MAPK10: variants seen among roughly 807,000 people sequenced by gnomAD.
The protein encoded by MAPK10 is mitogen-activated protein kinase 10.
MAPK10 carries 25 observed loss-of-function variants against 59.3 expected under a neutral mutation model. That is an observed-to-expected ratio of 0.42 (90% CI 0.31 to 0.59). The LOEUF is 0.59. Among genes scored for constraint, MAPK10 ranks in the 20% least tolerant of loss-of-function variants. The pLI, the probability that MAPK10 is intolerant of heterozygous loss-of-function variation, is 0.15. For synonymous variants in MAPK10, 190 were observed against 200.5 expected (o/e 0.95, Z 0.44); for missense variants, 351 against 568.9 (o/e 0.62, Z 3.90).
chr4:86,152,978 TGTTAG>T (rs2066852344), intron 4 of MAPK10, among the ~76,000 whole-genome samples: 2 of 152,190 alleles, frequency 1.3e-5, no homozygotes, highest in Non-Finnish European at 2.9e-5. Context: ...TAGATTAACT[TGTTAG>T]ATATTTATAT....
rs533949242 is a variant in MAPK10 at position 86,171,535 on chromosome 4, G to A, written c.67-12068C>T. 5.9e-5 allele frequency among the ~76,000 whole-genome samples: 9 copies of A among 151,992 alleles called. 1 individual carries two copies. The highest frequency in any genetic ancestry group is 5.8e-4 in the East Asian group (3 of 5,186). ...AACTGGCTAGCCATATGTAGAAAGC[G>A]GAAACTGGATCCCTCCATTACACCT... On this transcript the variant is annotated intron_variant, in intron 3 of 13. Transcript: ENST00000641462.
intron 2 of MAPK10, among the ~76,000 whole-genome samples, chr4:86,222,778 C>G (rs962390660): frequency 1.3e-5 from 2 of 152,192 alleles, no homozygotes; most frequent in Non-Finnish European, 2.9e-5. Flanking sequence ...CCCTAATAGA[C>G]TTTTACACAC....
chr4:86,256,579 A>C (rs2093720703), intron 2 of MAPK10, among the ~76,000 whole-genome samples: 1 of 151,944 alleles, frequency 6.6e-6, no homozygotes, highest in Admixed American at 6.6e-5. Context: ...GTAAGTACCT[A>C]GATTTTTTTC....
intron 1 of MAPK10, among the ~76,000 whole-genome samples, chr4:86,496,757 TA>T (rs1194607721): frequency 6.6e-6 from 1 of 152,200 alleles, no homozygotes; most frequent in Non-Finnish European, 1.5e-5. Context: ...CGATGACAAT[TA>T]ATTTTTTCTG....
At chr4:86,509,714 A>C (rs1756069421) in intron 1 of MAPK10, among the ~76,000 whole-genome samples, 2 of 152,220 alleles carry the variant, frequency 1.3e-5, no homozygotes, top group Non-Finnish European at 2.9e-5. Context: ...TGCTTTACCT[A>C]AAAATTTTGG....
chr4:86,189,224 T>G (rs1467210017), intron 3 of MAPK10, among the ~76,000 whole-genome samples: 1 of 152,162 alleles, frequency 6.6e-6, no homozygotes, highest in Non-Finnish European at 1.5e-5. Context: ...CTTGGCTTTA[T>G]GGGCTCTTTT....
At chr4:86,358,290 T>C (rs1735536256) in intron 1 of MAPK10, 1 of 985,318 alleles carries the variant, frequency 1.0e-6, no homozygotes, top group African/African-American at 1.7e-5. Context: ...AAGCATTCTG[T>C]GTTATCTTCC....
At chr4:86,131,123 T>C (rs1580861595) in intron 4 of MAPK10, among the ~76,000 whole-genome samples, 1 of 147,602 alleles carries the variant, frequency 6.8e-6, no homozygotes, top group African/African-American at 2.5e-5. Context: ...TTGTAGGTGG[T>C]TGGAGAATTA....
intron 1 of MAPK10, among the ~76,000 whole-genome samples, chr4:86,371,445 G>A (rs1738734867): frequency 6.6e-6 from 1 of 152,048 alleles, no homozygotes; most frequent in Non-Finnish European, 1.5e-5. Context: ...ACAAGAAAAC[G>A]GAGACTTAGA....
intron 9 of MAPK10, among the ~76,000 whole-genome samples, chr4:86,098,242 T>G (rs996007470): frequency 2.6e-5 from 4 of 152,190 alleles, no homozygotes; most frequent in African/African-American, 9.6e-5. Context: ...ATTTGGGATC[T>G]GGTAGCCTTT....
At chr4:86,501,603 T>C (rs1342375818) in intron 1 of MAPK10, among the ~76,000 whole-genome samples, 1 of 151,872 alleles carries the variant, frequency 6.6e-6, no homozygotes, top group African/African-American at 2.4e-5. Context: ...CTATAACTTA[T>C]CCAGGGTATT....
At chr4:86,179,970 A>AAAC (rs138112097) in intron 3 of MAPK10, among the ~76,000 whole-genome samples, 12,846 of 143,406 alleles carry the variant, frequency 0.09, 1,205 homozygotes, top group African/African-American at 0.26. Context: ...AGAGGCAACA[A>AAAC]AACAAAAAAA....
At position 86,407,369 on chromosome 4, in the gene MAPK10, G is replaced by T. The variant is rs368704036; in HGVS notation, c.-122+45661C>A. Among the ~76,000 whole-genome samples, 7 of 152,246 alleles carry T rather than the reference G, an allele frequency of 4.6e-5. No homozygotes were observed. In the East Asian group the frequency reaches 1.4e-3, roughly 29 times the overall value. ...GAGAACATATGGAGGGTTCAGTCTC[G>T]AATGGAAAGAGAGGCATTTCTCCAT... On this transcript the variant is annotated intron_variant, in intron 1 of 13. Coordinates refer to the MAPK10 transcript ENST00000361569.
At chr4:86,242,432 T>A (rs935888076) in intron 2 of MAPK10, among the ~76,000 whole-genome samples, 1 of 152,164 alleles carries the variant, frequency 6.6e-6, no homozygotes, top group Admixed American at 6.5e-5. Flanking sequence ...CTGCCCAGAT[T>A]CCTCAGAACT....
rs62305538 is a variant in MAPK10, at chr4:86,203,292, C to T, written c.-6-8885G>A. ...GGCCAAGTTGCATGAATGAAATACA[C>T]TTAAGAATTTATTAGGCTGAATTGG... On this transcript the variant is annotated intron_variant, in intron 2 of 13. Coordinates refer to ENST00000641462, the MANE Select transcript of MAPK10 (RefSeq NM_138982.4). Among the ~76,000 whole-genome samples, 495 of 152,008 alleles carry T rather than the reference C, an allele frequency of 3.3e-3. 2 individuals carry two copies. Among genetic ancestry groups the T allele is most frequent in the Non-Finnish European group, 5.5e-3 (376 of 67,902 alleles).
chr4:86,370,763 C>T (rs1189551304), intron 1 of MAPK10: 1 of 152,116 alleles, frequency 6.6e-6, no homozygotes, highest in Non-Finnish European at 1.5e-5. Flanking sequence ...GTCTCAGTTC[C>T]ACTGTGACTA....
intron 1 of MAPK10, among the ~76,000 whole-genome samples, chr4:86,504,210 T>C (rs1400727813): frequency 6.6e-6 from 1 of 152,136 alleles, no homozygotes; most frequent in Non-Finnish European, 1.5e-5. Context: ...TTTACAACTA[T>C]TTTCCCAGAG....
At chr4:86,552,996 T>C (rs111721938) in intron 1 of MAPK10, among the ~76,000 whole-genome samples, 7,116 of 152,162 alleles carry the variant, frequency 0.047, 217 homozygotes, top group African/African-American at 0.059. Flanking sequence ...TAATTAAGTC[T>C]TTTTACTCTG....
rs928061503 is a variant in MAPK10 at position 86,078,315 on chromosome 4, C to T, written c.803-10360G>A. On this transcript the variant is annotated intron_variant, in intron 9 of 13. Transcript: ENST00000641462. The stretch of plus-strand genomic sequence containing the variant: ...TGTTTGTTAACTTGGGGGTCATTCA[C>T]CTGAGAATACTCAGAGAAAGAAAAG... 2.6e-5 allele frequency among the ~76,000 whole-genome samples: 4 copies of T among 152,142 alleles called. No individual in the cohort carries two copies. The South Asian group carries it at 8.3e-4, about 32-fold the overall frequency.
Sources: allele counts gnomAD v4.1 joint callset (sites outside exome capture counted in the v4.1 genomes callset), GRCh38; gene constraint gnomAD v4.1.1; transcripts MANE v1.5; gene names NCBI Gene and HGNC (gene_info 2026-07-23, HGNC 2026-07-21).